RYR2: variants seen among roughly 807,000 people sequenced by gnomAD.
RYR2 encodes the protein ryanodine receptor 2, also known as cardiac muscle ryanodine receptor-calcium release channel.
RYR2 carries 227 observed loss-of-function variants against 601.1 expected under a neutral mutation model. The observed-to-expected ratio is 0.38, with a 90% CI of 0.34 to 0.42. The LOEUF (loss-of-function observed/expected upper bound fraction) is 0.42. Among genes scored for constraint, RYR2 ranks in the 10% least tolerant of loss-of-function variants. The pLI, the probability that RYR2 is intolerant of heterozygous loss-of-function variation, is 1.00. For synonymous variants in RYR2, 2,223 were observed against 2,175.1 expected (o/e 1.02, Z -0.61); for missense variants, 4,646 against 6,156.5 (o/e 0.75, Z 8.21).
At chr1:237,141,415 C>G (rs1362286022) in intron 1 of RYR2, among the ~76,000 whole-genome samples, 1 of 152,082 alleles carries the variant, frequency 6.6e-6, no homozygotes, top group Non-Finnish European at 1.5e-5. Context: ...TGATCCAGTC[C>G]TCTGAGATCT....
At chr1:237,051,602 T>G (rs1661291049) in intron 1 of RYR2, among the ~76,000 whole-genome samples, 1 of 152,040 alleles carries the variant, frequency 6.6e-6, no homozygotes, top group Non-Finnish European at 1.5e-5. Flanking sequence ...AGATCAGAGC[T>G]TTTTTACGCC....
chr1:237,683,864 T>C (rs1042711580), intron 62 of RYR2, among the ~76,000 whole-genome samples: 1 of 152,022 alleles, frequency 6.6e-6, no homozygotes, highest in African/African-American at 2.4e-5. Context: ...CAGGCTATAG[T>C]GTTGGAAGTG....
rs567235343 is a variant in RYR2 at position 237,569,396 on chromosome 1, C to T, written c.3598+77C>T. 1.9e-5 allele frequency: 27 copies of T among 1,448,300 alleles called. No homozygotes were observed. In the African/African-American group the frequency reaches 2.2e-4, roughly 12 times the overall value. 89.7% of individuals were successfully genotyped at this position (1,448,300 alleles called of 1,614,324 possible). On this transcript the variant is annotated intron_variant, in intron 29 of 104. Transcript: ENST00000366574. ...TTCATCCTGAGGCTTCCTAACCGGGCGTTTCTGTTTCAGGGTGAGTGAGCA... is the reference window on the plus strand; with the variant it reads ...TTCATCCTGAGGCTTCCTAACCGGGTGTTTCTGTTTCAGGGTGAGTGAGCA...
intron 1 of RYR2, among the ~76,000 whole-genome samples, chr1:237,250,489 C>T (rs1309386348): frequency 1.3e-5 from 2 of 152,148 alleles, no homozygotes; most frequent in Non-Finnish European, 1.5e-5. Flanking sequence ...AAAGGGATAT[C>T]GTCCAATGTT....
At chr1:237,830,682 C>A in intron 103 of RYR2, 52 bp downstream of exon 103, 1 of 841,552 alleles carries the variant, frequency 1.2e-6, no homozygotes, top group Non-Finnish European at 2.0e-6. Flanking sequence ...CGCCACTGGT[C>A]CCTGCCCATC....
intron 1 of RYR2, among the ~76,000 whole-genome samples, chr1:237,052,409 A>G (rs759557644): frequency 2.0e-4 from 30 of 152,218 alleles, no homozygotes; most frequent in Non-Finnish European, 3.7e-4. Flanking sequence ...ATTCTATTTC[A>G]TTATAAAATA....
chr1:237,650,951 T>A (rs11805641), intron 50 of RYR2, among the ~76,000 whole-genome samples: 19,112 of 152,260 alleles, frequency 0.13, 1,291 homozygotes, highest in East Asian at 0.23. Flanking sequence ...ACACAGTAGA[T>A]GTTCACTGTG....
chr1:237,168,490 G>T (rs1336384592), intron 1 of RYR2, among the ~76,000 whole-genome samples: 1 of 152,120 alleles, frequency 6.6e-6, no homozygotes, highest in Non-Finnish European at 1.5e-5. Flanking sequence ...TAAGAGGACT[G>T]ATTACCAGGT....
At chr1:237,179,404 G>A (rs1397825879) in intron 1 of RYR2, among the ~76,000 whole-genome samples, 1 of 151,702 alleles carries the variant, frequency 6.6e-6, no homozygotes, top group Non-Finnish European at 1.5e-5. Context: ...TTTTACTTGG[G>A]ATCACCCCAG....
intron 8 of RYR2, among the ~76,000 whole-genome samples, chr1:237,378,180 A>G (rs764080807): frequency 6.6e-6 from 1 of 152,242 alleles, no homozygotes; most frequent in Non-Finnish European, 1.5e-5. Context: ...CTTATTCACT[A>G]TCATGAGAAC....
intron 27 of RYR2, among the ~76,000 whole-genome samples, chr1:237,561,713 G>T (rs1425765879): frequency 6.6e-6 from 1 of 152,178 alleles, no homozygotes; most frequent in African/African-American, 2.4e-5. Flanking sequence ...GGATAAATTT[G>T]TATAAGGAGT....
intron 1 of RYR2, among the ~76,000 whole-genome samples, chr1:237,181,881 T>G (rs1380904801): frequency 2.0e-5 from 3 of 152,158 alleles, no homozygotes; most frequent in African/African-American, 7.2e-5. Flanking sequence ...CCGTGATGGT[T>G]AATCCAGACA....
chr1:237,192,703 G>T (rs1168875302), intron 1 of RYR2, among the ~76,000 whole-genome samples: 9 of 152,106 alleles, frequency 5.9e-5, no homozygotes, highest in African/African-American at 1.9e-4. Flanking sequence ...AAGGTAGAGG[G>T]CATTTATTTT....
At position 237,174,128 on chromosome 1, in the gene RYR2, T is replaced by G. The variant is rs1420740668; in HGVS notation, c.49-96369T>G. 2.6e-5 allele frequency among the ~76,000 whole-genome samples: 4 copies of G among 152,328 alleles called. No homozygotes were observed. The East Asian group carries it at 7.7e-4, about 29-fold the overall frequency. On this transcript the variant is annotated intron_variant, in intron 1 of 104. Coordinates refer to ENST00000366574, the MANE Select transcript of RYR2 (RefSeq NM_001035.3). ...ATTGTTTCAAGGATGCTTAGTTATG[T>G]TGGAGTATTCAACATTATGAGAATT...
At chr1:237,653,148 A>G (rs1682929738) in intron 51 of RYR2, among the ~76,000 whole-genome samples, 1 of 152,222 alleles carries the variant, frequency 6.6e-6, no homozygotes, top group Non-Finnish European at 1.5e-5. Context: ...CAATATGCAT[A>G]GGTGAAAATG....
intron 25 of RYR2, among the ~76,000 whole-genome samples, chr1:237,535,957 C>T (rs1001835592): frequency 2.0e-5 from 3 of 151,922 alleles, no homozygotes; most frequent in Non-Finnish European, 4.4e-5. Flanking sequence ...GCAACAGAAA[C>T]CAATAATCTA....
Position 237,654,963 on chromosome 1 carries a change from G to A in RYR2, c.7965+549G>A, listed in dbSNP as rs534580456. Among the ~76,000 whole-genome samples, 4 of 152,188 alleles carry A rather than the reference G, an allele frequency of 2.6e-5. No homozygotes were observed. In the South Asian group the frequency reaches 6.2e-4, roughly 24 times the overall value. ...GACAGGTGTTGATCTTAGAGAAAAG[G>A]CAGAACAACAAGTTTTGTGTGTTCA... On this transcript the variant is annotated intron_variant, in intron 52 of 104. Coordinates refer to ENST00000366574, the MANE Select transcript of RYR2 (RefSeq NM_001035.3).
rs531108999 is a variant in RYR2 at position 237,182,184 on chromosome 1, C to T, written c.49-88313C>T. On this transcript the variant is annotated intron_variant, in intron 1 of 104. Coordinates refer to ENST00000366574, the MANE Select transcript of RYR2 (RefSeq NM_001035.3). ...TTGCCCAGGCTGGAGTACAGTGGCG[C>T]GATCTTGGCTCACTGCAGACTCCGC... 1.2e-3 allele frequency among the ~76,000 whole-genome samples: 186 copies of T among 152,046 alleles called. 2 individuals are homozygous for T. The highest frequency in any genetic ancestry group is 0.011 in the Admixed American group (173 of 15,248).
chr1:237,336,248 C>A (rs1697228058), intron 3 of RYR2, among the ~76,000 whole-genome samples: 1 of 152,042 alleles, frequency 6.6e-6, no homozygotes, highest in African/African-American at 2.4e-5. Context: ...ATAGAAAAAT[C>A]ATTTCAAAAT....
Sources: allele counts gnomAD v4.1 joint callset (sites outside exome capture counted in the v4.1 genomes callset), GRCh38; gene constraint gnomAD v4.1.1; transcripts MANE v1.5; gene names NCBI Gene and HGNC (gene_info 2026-07-23, HGNC 2026-07-21).